The following OPCML variants were observed in gnomAD, a reference collection of about 807,000 sequenced individuals.
The protein encoded by OPCML is opioid binding protein/cell adhesion molecule like.
OPCML carries 13 observed loss-of-function variants against 37.8 expected under a neutral mutation model. The ratio of observed to expected loss-of-function variants is 0.34; its 90% CI spans 0.22 to 0.55. The LOEUF (loss-of-function observed/expected upper bound fraction) is 0.55, where lower values mean the gene tolerates loss of function less well. Among genes scored for constraint, OPCML ranks in the 20% least tolerant of loss-of-function variants. The pLI, the probability that OPCML is intolerant of heterozygous loss-of-function variation, is 0.91. For synonymous variants in OPCML, 176 were observed against 168.8 expected, an observed-to-expected ratio of 1.04 and a Z score of -0.33; for missense variants, 341 against 435.6, an observed-to-expected ratio of 0.78 and a Z score of 1.93.
intron 1 of OPCML, among the ~76,000 whole-genome samples, chr11:133,516,167 T>TGGG (rs1948267714): frequency 6.6e-6 from 1 of 151,196 alleles, no homozygotes; most frequent in Non-Finnish European, 1.5e-5. Flanking sequence ...TGGCAGCTGG[T>TGGG]GGGTGGAGGC....
chr11:132,768,246 T>G (rs942606647), intron 2 of OPCML, among the ~76,000 whole-genome samples: 1 of 152,186 alleles, frequency 6.6e-6, no homozygotes, highest in African/African-American at 2.4e-5. Flanking sequence ...TCCCTACAGC[T>G]CCACCCTGCC....
intron 2 of OPCML, among the ~76,000 whole-genome samples, chr11:132,853,813 C>T (rs1941923151): frequency 6.6e-6 from 1 of 152,156 alleles, no homozygotes; most frequent in South Asian, 2.1e-4. Flanking sequence ...ACAAACAAAA[C>T]TATTTTTCTT....
chr11:133,403,808 A>C (rs990231808), intron 1 of OPCML, among the ~76,000 whole-genome samples: 1 of 152,236 alleles, frequency 6.6e-6, no homozygotes, highest in Admixed American at 6.5e-5. Context: ...CTATTTTATA[A>C]TTGTGTATTC....
intron 1 of OPCML, among the ~76,000 whole-genome samples, chr11:133,011,855 T>G (rs1446915906): frequency 6.6e-6 from 1 of 152,236 alleles, no homozygotes; most frequent in East Asian, 1.9e-4. Flanking sequence ...TGAAAGGCTC[T>G]AGAAAAGTTG....
At position 133,081,496 on chromosome 11, in the gene OPCML, G is replaced by A. The variant is rs547121935; in HGVS notation, c.62-138486C>T. Among the ~76,000 whole-genome samples, 16 of 152,314 alleles carry A rather than the reference G, an allele frequency of 1.1e-4. No individual in the cohort carries two copies. The South Asian group carries it at 2.7e-3, about 26-fold the overall frequency. On this transcript the variant is annotated intron_variant, in intron 1 of 7. Coordinates refer to ENST00000524381, the MANE Select transcript of OPCML (RefSeq NM_001012393.5). ...AAGTGGCTGAGCGAATGAATGAAGC[G>A]CTCTTACACAGGACTGTATTTGGTG...
chr11:133,462,808 T>C (rs189571014), intron 1 of OPCML, among the ~76,000 whole-genome samples: 6 of 152,268 alleles, frequency 3.9e-5, no homozygotes, highest in Non-Finnish European at 8.8e-5. Flanking sequence ...AATTGACATG[T>C]GGTCCAGGAA....
chr11:133,467,879 G>A (rs1947012680), intron 1 of OPCML, among the ~76,000 whole-genome samples: 1 of 152,156 alleles, frequency 6.6e-6, no homozygotes, highest in African/African-American at 2.4e-5. Flanking sequence ...GTGTGGTGGA[G>A]GGGAAAGAAT....
intron 1 of OPCML, among the ~76,000 whole-genome samples, chr11:133,129,338 T>C (rs965731295): frequency 2.0e-5 from 3 of 151,728 alleles, no homozygotes; most frequent in African/African-American, 7.3e-5. Context: ...CCAAGAAGAG[T>C]GCTTGCTCCT....
chr11:132,479,628 T>C (rs1461575077), intron 4 of OPCML, among the ~76,000 whole-genome samples: 1 of 152,208 alleles, frequency 6.6e-6, no homozygotes, highest in Non-Finnish European at 1.5e-5. Flanking sequence ...TGTCCCTGTC[T>C]GACAGCTTTG....
intron 3 of OPCML, among the ~76,000 whole-genome samples, chr11:132,588,074 C>T (rs544486799): frequency 4.6e-4 from 70 of 152,208 alleles, no homozygotes; most frequent in African/African-American, 1.6e-3. Context: ...GCTCCTCATG[C>T]CGTGAGATCA....
chr11:132,957,446 A>C (rs1203708206), intron 1 of OPCML, among the ~76,000 whole-genome samples: 1 of 152,188 alleles, frequency 6.6e-6, no homozygotes, highest in African/African-American at 2.4e-5. Context: ...TTTTACAGAG[A>C]TGGATCCCAA....
intron 2 of OPCML, among the ~76,000 whole-genome samples, chr11:132,838,608 T>C (rs530174198): frequency 1.3e-5 from 2 of 152,230 alleles, no homozygotes; most frequent in Non-Finnish European, 2.9e-5. Flanking sequence ...ATTTCTGATA[T>C]ATGTATGGTA....
At chr11:132,624,311 T>A (rs1466858227) in intron 3 of OPCML, among the ~76,000 whole-genome samples, 2 of 152,242 alleles carry the variant, frequency 1.3e-5, no homozygotes, top group Non-Finnish European at 2.9e-5. Flanking sequence ...TTACTGAAAC[T>A]GCTCATATCA....
chr11:133,483,689 T>TAGAC (rs1213426697), intron 1 of OPCML, among the ~76,000 whole-genome samples: 1 of 140,758 alleles, frequency 7.1e-6, no homozygotes, highest in Non-Finnish European at 1.5e-5. Context: ...GATAGATAGA[T>TAGAC]AGATAGATAG....
At chr11:132,658,552 C>T (rs1038618626) in intron 2 of OPCML, among the ~76,000 whole-genome samples, 1 of 152,184 alleles carries the variant, frequency 6.6e-6, no homozygotes, top group Non-Finnish European at 1.5e-5. Context: ...TAGGGCGGTC[C>T]TCTCCCTGGT....
chr11:133,459,000 G>A (rs1190110368), intron 1 of OPCML, among the ~76,000 whole-genome samples: 3 of 151,766 alleles, frequency 2.0e-5, no homozygotes, highest in Non-Finnish European at 4.4e-5. Context: ...CTAGGTAAAA[G>A]CCAAAAGCAA....
At chr11:132,550,985 C>T (rs1356398109) in intron 3 of OPCML, among the ~76,000 whole-genome samples, 3 of 152,234 alleles carry the variant, frequency 2.0e-5, no homozygotes, top group Non-Finnish European at 4.4e-5. Flanking sequence ...TGCAGTGAAT[C>T]TGGCTCATTT....
chr11:132,880,065 C>A (rs1053325213), intron 2 of OPCML, among the ~76,000 whole-genome samples: 6 of 152,182 alleles, frequency 3.9e-5, no homozygotes, highest in Non-Finnish European at 8.8e-5. Flanking sequence ...CTTTTCCTTA[C>A]TTCCTTTACT....
intron 2 of OPCML, among the ~76,000 whole-genome samples, chr11:132,923,522 T>C (rs188176076): frequency 6.6e-6 from 1 of 152,140 alleles, no homozygotes; most frequent in African/African-American, 2.4e-5. Context: ...TAGAAAGAGG[T>C]TGGGAAATAA....
Sources: gnomAD v4.1 joint callset for allele counts (sites outside exome capture counted in the v4.1 genomes callset) on GRCh38, gnomAD v4.1.1 for gene constraint, MANE v1.5 for transcripts, NCBI Gene and HGNC (gene_info 2026-07-23, HGNC 2026-07-21) for gene names.